Variants in PRKN observed in about 807,000 individuals in gnomAD.
The protein encoded by PRKN is parkin RBR E3 ubiquitin protein ligase, also known as E3 ubiquitin-protein ligase parkin.
A neutral mutation model predicts 59.5 loss-of-function variants in PRKN; 56 were observed. That is an observed-to-expected ratio of 0.94 (90% CI 0.76 to 1.18). The LOEUF is 1.18. Among genes scored for constraint, PRKN ranks in the 50% most tolerant of loss-of-function variants. The pLI is 0.00. For synonymous variants in PRKN, 250 were observed against 222.1 expected, an observed-to-expected ratio of 1.13 and a Z score of -1.12; for missense variants, 657 against 596.4, an observed-to-expected ratio of 1.10 and a Z score of -1.06.
rs894847612 is a variant in PRKN, at chr6:162,389,710, G to A, written c.171+53600C>T. On this transcript the variant is annotated intron_variant, in intron 2 of 11. Transcript: ENST00000366898. Reference sequence around the variant, plus strand: ...ACAAATAAGCAACCAGAACTTCAGCGAAGATAAGTAACTTAGCCAAGATTA... The same window carrying A: ...ACAAATAAGCAACCAGAACTTCAGCAAAGATAAGTAACTTAGCCAAGATTA... 1.1e-4 allele frequency among the ~76,000 whole-genome samples: 17 copies of A among 152,274 alleles called. No individual in the cohort carries two copies. The South Asian group carries it at 2.5e-3, about 22-fold the overall frequency.
intron 9 of PRKN, among the ~76,000 whole-genome samples, chr6:161,521,351 T>C (rs1157912615): frequency 6.6e-6 from 1 of 152,194 alleles, no homozygotes; most frequent in Non-Finnish European, 1.5e-5. Context: ...GTCTGACAAA[T>C]TACCGAAAGC....
chr6:161,403,685 T>C (rs560882563), intron 9 of PRKN, among the ~76,000 whole-genome samples: 3 of 152,276 alleles, frequency 2.0e-5, no homozygotes, highest in African/African-American at 7.2e-5. Context: ...CTAGATGACT[T>C]GGAATAGGGA....
At chr6:162,225,187 A>C (rs753852293) in intron 3 of PRKN, among the ~76,000 whole-genome samples, 1 of 152,142 alleles carries the variant, frequency 6.6e-6, no homozygotes, top group Non-Finnish European at 1.5e-5. Context: ...ACCGAACTTT[A>C]TAACAACCTG....
chr6:162,359,059 C>CAAA (rs71692740), intron 2 of PRKN, among the ~76,000 whole-genome samples: 9 of 92,588 alleles, frequency 9.7e-5, no homozygotes, highest in South Asian at 4.0e-4. Context: ...CACACTGTGG[C>CAAA]AAAAAAAAAA....
At chr6:162,243,524 G>C (rs947729879) in intron 3 of PRKN, among the ~76,000 whole-genome samples, 1 of 152,076 alleles carries the variant, frequency 6.6e-6, no homozygotes, top group Non-Finnish European at 1.5e-5. Flanking sequence ...CTGTCAGTGT[G>C]AAGTATCAGT....
intron 1 of PRKN, among the ~76,000 whole-genome samples, chr6:162,679,204 A>T (rs554253073): frequency 6.6e-6 from 1 of 151,728 alleles, no homozygotes; most frequent in East Asian, 1.9e-4. Flanking sequence ...GGTTCAAGTG[A>T]TTCTCCTGCC....
chr6:162,347,063 ATT>A (rs1241112970), intron 2 of PRKN, among the ~76,000 whole-genome samples: 1 of 150,504 alleles, frequency 6.6e-6, no homozygotes, highest in African/African-American at 2.4e-5. Flanking sequence ...ATGTGTATCT[ATT>A]TTCTTTGCTT....
At chr6:162,189,954 A>C (rs997420778) in intron 4 of PRKN, among the ~76,000 whole-genome samples, 2 of 152,108 alleles carry the variant, frequency 1.3e-5, no homozygotes, top group Admixed American at 6.6e-5. Context: ...TGGCATTCTA[A>C]ATTAATATGA....
At chr6:161,808,965 T>C (rs2128212864) in intron 6 of PRKN, among the ~76,000 whole-genome samples, 1 of 152,190 alleles carries the variant, frequency 6.6e-6, no homozygotes, top group East Asian at 1.9e-4. Context: ...TTCAGCCTCC[T>C]GAGTAGTTGG....
intron 6 of PRKN, among the ~76,000 whole-genome samples, chr6:161,843,027 T>G (rs535477090): frequency 6.6e-6 from 1 of 152,304 alleles, no homozygotes; most frequent in Non-Finnish European, 1.5e-5. Context: ...AGGCGATCCT[T>G]GGAGGAGAGA....
At chr6:161,785,977 C>A in intron 6 of PRKN, 69 bp from the exon 7 acceptor site, 1 of 1,505,492 alleles carries the variant, frequency 6.6e-7, no homozygotes, top group South Asian at 1.2e-5. Flanking sequence ...TGCTTTAGAC[C>A]AATTTCTGTA....
At chr6:162,172,236 G>T (rs1450589469) in intron 4 of PRKN, among the ~76,000 whole-genome samples, 3 of 152,186 alleles carry the variant, frequency 2.0e-5, no homozygotes, top group Non-Finnish European at 2.9e-5. Context: ...CTGGGGCCCT[G>T]GCTAGCCAGT....
At chr6:161,888,869 C>A (rs2128231503) in intron 6 of PRKN, among the ~76,000 whole-genome samples, 1 of 152,228 alleles carries the variant, frequency 6.6e-6, no homozygotes, top group South Asian at 2.1e-4. Flanking sequence ...TTCCTCAATC[C>A]CATTGCTGGA....
intron 7 of PRKN, among the ~76,000 whole-genome samples, chr6:161,662,172 C>G (rs1784572911): frequency 6.6e-6 from 1 of 152,074 alleles, no homozygotes; most frequent in Non-Finnish European, 1.5e-5. Flanking sequence ...AGTAAGCCAT[C>G]AGGGGTGGAA....
In PRKN at chr6:162,001,297, T is replaced by G. The variant is rs560240829; in HGVS notation, c.619-27880A>C. On this transcript the variant is annotated intron_variant, in intron 5 of 11. Transcript: ENST00000366898. ...TGAACACGGGCTATTTCTCCATTTA[T>G]TTAGTTAATTTCTTTCATCACAGTT... 3.9e-5 allele frequency among the ~76,000 whole-genome samples: 6 copies of G among 152,172 alleles called. No individual in the cohort carries two copies. In the East Asian group the frequency reaches 1.2e-3, roughly 29 times the overall value.
At chr6:162,585,949 C>T (rs374989375) in intron 1 of PRKN, among the ~76,000 whole-genome samples, 1 of 152,178 alleles carries the variant, frequency 6.6e-6, no homozygotes, top group South Asian at 2.1e-4. Flanking sequence ...AAGTGATCCA[C>T]CCGCCTCGGC....
intron 7 of PRKN, among the ~76,000 whole-genome samples, chr6:161,777,764 T>TATATATGTATATATGTATATGTATATATG (rs1235538742): frequency 2.5e-4 from 36 of 142,140 alleles, no homozygotes; most frequent in Non-Finnish European, 4.1e-4. Context: ...TATGTATATG[T>TATATATGTATATATGTATATGTATATATG]ATATATGTAT....
intron 5 of PRKN, among the ~76,000 whole-genome samples, chr6:162,037,897 A>G (rs1783910995): frequency 6.6e-6 from 1 of 151,564 alleles, no homozygotes; most frequent in African/African-American, 2.4e-5. Context: ...TTCAGCCAAC[A>G]TTATGTTTTT....
chr6:162,214,056 C>T (rs547341535), intron 3 of PRKN, among the ~76,000 whole-genome samples: 22 of 152,148 alleles, frequency 1.4e-4, no homozygotes, highest in Admixed American at 7.9e-4. Context: ...TGACCCCAGA[C>T]ACATCCCCTA....
Sources: gnomAD v4.1 joint callset for allele counts (sites outside exome capture counted in the v4.1 genomes callset) on GRCh38, gnomAD v4.1.1 for gene constraint, MANE v1.5 for transcripts, NCBI Gene and HGNC (gene_info 2026-07-23, HGNC 2026-07-21) for gene names.